Variants in MTRF1 observed in about 807,000 individuals in gnomAD.
MTRF1 encodes peptide chain release factor 1, mitochondrial.
Under a neutral mutation model 62.9 loss-of-function variants are expected in MTRF1, and 51 were observed. The observed-to-expected ratio is 0.81, with a 90% CI of 0.65 to 1.02. The LOEUF is 1.02. Ranked by LOEUF, MTRF1 falls within the 50% of genes least tolerant of loss-of-function variation. The pLI is 0.00. For missense variants in MTRF1, 446 were observed against 530.0 expected, an observed-to-expected ratio of 0.84 and a Z score of 1.56; for synonymous variants, 158 against 181.9, an observed-to-expected ratio of 0.87 and a Z score of 1.06.
chr13:41,248,126 C>A (rs758051948), intron 5 of MTRF1, among the ~76,000 whole-genome samples: 1 of 152,152 alleles, frequency 6.6e-6, no homozygotes, highest in Non-Finnish European at 1.5e-5. Context: ...GACCTACACA[C>A]TCCCCTTCAC....
the MTRF1 span, among the ~76,000 whole-genome samples, chr13:41,287,583 A>G: frequency 6.6e-6 from 1 of 152,250 alleles, no homozygotes; most frequent in Non-Finnish European, 1.5e-5. Context: ...TATCTATAGA[A>G]CAAACAAAAT....
chr13:41,255,347 G>A (rs1246188091), intron 2 of MTRF1, among the ~76,000 whole-genome samples: 1 of 152,124 alleles, frequency 6.6e-6, no homozygotes, highest in Non-Finnish European at 1.5e-5. Context: ...CTCCCAGGTA[G>A]CTGAGATTAC....
chr13:41,233,198 G>T (rs753777087), intron 7 of MTRF1, among the ~76,000 whole-genome samples: 1 of 152,106 alleles, frequency 6.6e-6, no homozygotes, highest in Non-Finnish European at 1.5e-5. Context: ...ATAGCTAAAA[G>T]AGGTTCATTT....
intron 6 of MTRF1, among the ~76,000 whole-genome samples, chr13:41,237,931 A>G (rs2036931507): frequency 6.6e-6 from 1 of 152,186 alleles, no homozygotes; most frequent in African/African-American, 2.4e-5. Context: ...AACCAAATAA[A>G]CATATTAAAG....
the MTRF1 span, among the ~76,000 whole-genome samples, chr13:41,283,538 A>G: frequency 6.7e-6 from 1 of 148,890 alleles, no homozygotes; most frequent in African/African-American, 2.5e-5. Context: ...ATTTGTTCAT[A>G]CCAGGACTCC....
the MTRF1 span, among the ~76,000 whole-genome samples, chr13:41,283,585 C>CTTTTTTTTTTTTTTTTTTTTTTTT: frequency 1.2e-5 from 1 of 83,558 alleles, no homozygotes; most frequent in African/African-American, 4.8e-5. Context: ...CTCTGACAAT[C>CTTTTTTTTTTTTTTTTTTTTTTTT]TTTTTTTTTT....
intron 5 of MTRF1, among the ~76,000 whole-genome samples, chr13:41,248,760 T>C (rs1349239045): frequency 2.0e-5 from 3 of 152,178 alleles, no homozygotes; most frequent in Non-Finnish European, 4.4e-5. Context: ...CAAAACATAA[T>C]TATAAACATT....
At chr13:41,231,369 T>C (rs1368481838) in intron 7 of MTRF1, among the ~76,000 whole-genome samples, 1 of 152,224 alleles carries the variant, frequency 6.6e-6, no homozygotes, top group African/African-American at 2.4e-5. Flanking sequence ...TTCCTCAATC[T>C]GCAGAAGGCA....
chr13:41,238,988 G>A (rs901205544), intron 6 of MTRF1, among the ~76,000 whole-genome samples: 2 of 151,850 alleles, frequency 1.3e-5, no homozygotes, highest in Non-Finnish European at 2.9e-5. Flanking sequence ...AAGACAAATG[G>A]TCTAGACTTT....
At chr13:41,311,113 T>G in the MTRF1 span, 3 of 267,060 alleles carry the variant, frequency 1.1e-5, no homozygotes, top group South Asian at 4.8e-5. Flanking sequence ...CCCCAGGGGG[T>G]GCCGAGATTG....
the MTRF1 span, among the ~76,000 whole-genome samples, chr13:41,290,089 CTTTTTTTTTTTT>C: frequency 6.1e-4 from 48 of 78,514 alleles, no homozygotes; most frequent in African/African-American, 2.1e-3. Context: ...TGTAATAGTT[CTTTTTTTTTTTT>C]TTTTTTTTTT....
intron 5 of MTRF1, 63 bp downstream of exon 5, chr13:41,252,582 A>T: frequency 7.6e-7 from 1 of 1,318,382 alleles, no homozygotes; most frequent in Non-Finnish European, 1.1e-6. Context: ...TATGGTTCTA[A>T]TCAAGATCAG....
chr13:41,255,699 A>G (rs2039619106), intron 2 of MTRF1, among the ~76,000 whole-genome samples: 1 of 152,244 alleles, frequency 6.6e-6, no homozygotes, highest in African/African-American at 2.4e-5. Context: ...CTTTAAAAAA[A>G]TAAAATACAT....
In MTRF1 at chr13:41,238,161, TCTGG is replaced by T. The variant is rs1392242329; in HGVS notation, c.870+2096_870+2099del. Among the ~76,000 whole-genome samples, 7 of 152,186 alleles carry T rather than the reference TCTGG, an allele frequency of 4.6e-5. No individual in the cohort carries two copies. In the East Asian group the frequency reaches 1.3e-3, roughly 29 times the overall value. ...CAGACCTACTATCTAGATCTTGATT[TCTGG>T]ATACATTCCCCACTAAAATGAACCA... On this transcript the variant is annotated intron_variant, in intron 6 of 9. Transcript: ENST00000379480.
chr13:41,294,616 A>G, the MTRF1 span, among the ~76,000 whole-genome samples: 1 of 152,146 alleles, frequency 6.6e-6, no homozygotes, highest in East Asian at 1.9e-4. Context: ...AAAGGTTAAA[A>G]AGAAAAGATA....
chr13:41,311,414 C>G, the MTRF1 span: 10 of 982,130 alleles, frequency 1.0e-5, no homozygotes, highest in South Asian at 1.5e-4. Flanking sequence ...ATGAACTAAT[C>G]CATCGCCCGC....
chr13:41,221,443 C>A (rs1399910400), intron 9 of MTRF1, among the ~76,000 whole-genome samples: 1 of 152,146 alleles, frequency 6.6e-6, no homozygotes, highest in Non-Finnish European at 1.5e-5. Context: ...CAGGCGTGAG[C>A]CACCGTGCCC....
chr13:41,270,748 A>AT, the MTRF1 span, among the ~76,000 whole-genome samples: 78,736 of 150,740 alleles, frequency 0.52, 21,373 homozygotes, highest in South Asian at 0.62. Flanking sequence ...TTTTAATTTA[A>AT]TTTTTTTTTG....
At chr13:41,247,987 C>G (rs2038503277) in intron 5 of MTRF1, among the ~76,000 whole-genome samples, 1 of 152,156 alleles carries the variant, frequency 6.6e-6, no homozygotes, top group Non-Finnish European at 1.5e-5. Flanking sequence ...CAGACAGTGA[C>G]TAGAAGTCCT....
Sources: gnomAD v4.1 joint callset for allele counts (sites outside exome capture counted in the v4.1 genomes callset) on GRCh38, gnomAD v4.1.1 for gene constraint, MANE v1.5 for transcripts, NCBI Gene and HGNC (gene_info 2026-07-23, HGNC 2026-07-21) for gene names.